ACOXL: variants seen among roughly 807,000 people sequenced by gnomAD.
The protein encoded by ACOXL is acyl-coenzyme A oxidase-like protein.
A neutral mutation model predicts 71.9 loss-of-function variants in ACOXL; 70 were observed. That is an observed-to-expected ratio of 0.97 (90% CI 0.80 to 1.19). ACOXL has a LOEUF of 1.19. Ranked by LOEUF, ACOXL falls within the 50% of genes most tolerant of loss-of-function variation. ACOXL has a pLI of 0.00. For missense variants in ACOXL, 703 were observed against 736.3 expected (o/e 0.95, Z 0.52); for synonymous variants, 253 against 281.6 (o/e 0.90, Z 1.02).
chr2:111,075,681 C>A (rs2067565975), intron 16 of ACOXL, among the ~76,000 whole-genome samples: 2 of 151,642 alleles, frequency 1.3e-5, no homozygotes, highest in Non-Finnish European at 2.9e-5. Context: ...GACTTTTCTT[C>A]TTTTCTCTTG....
Position 110,846,641 on chromosome 2 carries a change from G to GCGCACACACACACACA in ACOXL, c.788+5237_788+5238insGCACACACACACACAC, listed in dbSNP as rs148602789. Among the ~76,000 whole-genome samples the GCGCACACACACACACA allele has an allele frequency of 6.3e-3, 874 of 138,016 alleles. 9 individuals are homozygous for GCGCACACACACACACA. Among genetic ancestry groups the GCGCACACACACACACA allele is most frequent in the Admixed American group, 0.02 (273 of 13,854 alleles). The allele number at this position is 138,016 out of a possible 152,430, so 90.5% of individuals were successfully genotyped here. Reference sequence around the variant, plus strand: ...TGTGAGCATGCAAGTATGCATACACGCACACACACACACACACACACACAC... The same window carrying GCGCACACACACACACA: ...TGTGAGCATGCAAGTATGCATACACGCGCACACACACACACACACACACACACACACACACACACAC... On this transcript the variant is annotated intron_variant, in intron 10 of 17. Coordinates refer to ENST00000439055, the MANE Select transcript of ACOXL (RefSeq NM_001142807.4).
chr2:111,001,985 A>G (rs1258762835), intron 14 of ACOXL, among the ~76,000 whole-genome samples: 3 of 152,150 alleles, frequency 2.0e-5, no homozygotes, highest in Admixed American at 6.5e-5. Context: ...TGCCCACATT[A>G]TATCGTTGAA....
chr2:111,069,355 T>C (rs1411207610), intron 16 of ACOXL, among the ~76,000 whole-genome samples: 1 of 152,106 alleles, frequency 6.6e-6, no homozygotes, highest in Non-Finnish European at 1.5e-5. Flanking sequence ...TTTCACCATG[T>C]TGGCCAGGCT....
chr2:111,104,790 T>C (rs914893902), intron 17 of ACOXL, among the ~76,000 whole-genome samples: 1 of 152,180 alleles, frequency 6.6e-6, no homozygotes, highest in South Asian at 2.1e-4. Context: ...ACTCTTTTAA[T>C]ATGGTCTTCA....
chr2:110,904,677 G>A (rs186716214), intron 10 of ACOXL, among the ~76,000 whole-genome samples: 30 of 152,328 alleles, frequency 2.0e-4, no homozygotes, highest in African/African-American at 3.6e-4. Flanking sequence ...AGGGCCACAC[G>A]GGGAAACAAT....
chr2:110,800,153 C>T lies in ACOXL; in HGVS notation c.547+1053C>T, dbSNP rs202107943. Among the ~76,000 whole-genome samples, 7 of 152,336 alleles carry T rather than the reference C, an allele frequency of 4.6e-5. No individual in the cohort carries two copies. In the East Asian group the frequency reaches 1.3e-3, roughly 29 times the overall value. ...CTCTTCACAATAAATCTGGATGCTGCTCACTCTTTCGGTCTGTGCCACCTT... is the reference window on the plus strand; with the variant it reads ...CTCTTCACAATAAATCTGGATGCTGTTCACTCTTTCGGTCTGTGCCACCTT... On this transcript the variant is annotated intron_variant, in intron 7 of 17. Transcript: ENST00000439055.
intron 14 of ACOXL, among the ~76,000 whole-genome samples, chr2:111,022,263 G>A (rs1234924362): frequency 6.6e-6 from 1 of 152,160 alleles, no homozygotes; most frequent in Non-Finnish European, 1.5e-5. Flanking sequence ...TACTTGGGAG[G>A]CCAAGGCTGG....
intron 2 of ACOXL, among the ~76,000 whole-genome samples, chr2:110,778,351 TA>T (rs1443682700): frequency 1.3e-5 from 2 of 152,208 alleles, no homozygotes; most frequent in African/African-American, 4.8e-5. Context: ...TGCAGACAGG[TA>T]AAGACACATA....
At chr2:110,963,692 T>A in intron 12 of ACOXL, 2 of 1,613,992 alleles carry the variant, frequency 1.2e-6, no homozygotes, top group Non-Finnish European at 1.7e-6. Context: ...CTTTTGAAGG[T>A]GACGATGTTG....
chr2:111,052,245 C>T (rs1253090890), intron 16 of ACOXL, among the ~76,000 whole-genome samples: 2 of 152,278 alleles, frequency 1.3e-5, no homozygotes, highest in East Asian at 1.9e-4. Context: ...CTTCTTCCTG[C>T]GGGGCCCACT....
intron 16 of ACOXL, among the ~76,000 whole-genome samples, chr2:111,055,204 C>T (rs1325249664): frequency 6.6e-6 from 1 of 152,128 alleles, no homozygotes; most frequent in Non-Finnish European, 1.5e-5. Flanking sequence ...AAGGCCTTCA[C>T]GCCTTTGGTT....
chr2:111,105,067 T>C (rs938633965), intron 17 of ACOXL, among the ~76,000 whole-genome samples: 6 of 152,146 alleles, frequency 3.9e-5, no homozygotes, highest in Non-Finnish European at 8.8e-5. Flanking sequence ...CAATGTCCAA[T>C]TGCTCCAATA....
chr2:110,900,959 G>T (rs528620280), intron 10 of ACOXL, among the ~76,000 whole-genome samples: 25 of 152,194 alleles, frequency 1.6e-4, no homozygotes, highest in Non-Finnish European at 3.4e-4. Context: ...TATCTGAGGG[G>T]CTTCTGTGGT....
At chr2:111,028,404 C>A (rs943510082) in intron 14 of ACOXL, among the ~76,000 whole-genome samples, 4 of 151,876 alleles carry the variant, frequency 2.6e-5, no homozygotes, top group African/African-American at 9.7e-5. Flanking sequence ...CCTCTGAGCT[C>A]CTCGGCCTCC....
chr2:110,860,618 A>G (rs1447227694), intron 10 of ACOXL, among the ~76,000 whole-genome samples: 1 of 152,160 alleles, frequency 6.6e-6, no homozygotes, highest in Admixed American at 6.5e-5. Flanking sequence ...CAGTGTGTGT[A>G]CTTAATTCAC....
chr2:111,093,651 G>A, intron 17 of ACOXL: 1 of 1,004,952 alleles, frequency 1.0e-6, no homozygotes, highest in South Asian at 1.8e-5. Context: ...GATCTCCTGA[G>A]CTCAGGAGTT....
At chr2:110,790,010 T>C (rs183668464) in intron 3 of ACOXL, among the ~76,000 whole-genome samples, 125 of 152,356 alleles carry the variant, frequency 8.2e-4, no homozygotes, top group African/African-American at 3.0e-3. Context: ...AGCCACACTT[T>C]TGGCATGTTC....
chr2:111,072,841 A>AT (rs2149936106), intron 16 of ACOXL, among the ~76,000 whole-genome samples: 2 of 152,356 alleles, frequency 1.3e-5, no homozygotes, highest in East Asian at 3.9e-4. Flanking sequence ...ACTGGATTAT[A>AT]TGGCAAGCAT....
chr2:110,736,098 T>C (rs1184540142), intron 1 of ACOXL, among the ~76,000 whole-genome samples: 2 of 152,200 alleles, frequency 1.3e-5, no homozygotes, highest in Admixed American at 6.5e-5. Flanking sequence ...AACCTTTTCA[T>C]GTGTTTAGCT....
Sources: allele counts gnomAD v4.1 joint callset (sites outside exome capture counted in the v4.1 genomes callset), GRCh38; gene constraint gnomAD v4.1.1; transcripts MANE v1.5; gene names NCBI Gene and HGNC (gene_info 2026-07-23, HGNC 2026-07-21).